Variants in BANP observed in about 807,000 individuals in gnomAD.
BANP encodes the protein BTG3 associated nuclear protein.
Under a neutral mutation model 68.1 loss-of-function variants are expected in BANP, and 11 were observed. The ratio of observed to expected loss-of-function variants is 0.16; its 90% CI spans 0.10 to 0.27. The LOEUF is 0.27. Among genes scored for constraint, BANP ranks in the 10% least tolerant of loss-of-function variants. The probability of loss-of-function intolerance (pLI) is 1.00; values close to 1 mark genes in which losing one functional copy is unlikely to be tolerated. For missense variants in BANP, 504 were observed against 722.7 expected (o/e 0.70, Z 3.47); for synonymous variants, 329 against 303.2 (o/e 1.09, Z -0.88).
At chr16:87,986,174 A>G (rs2064364029) in intron 4 of BANP, among the ~76,000 whole-genome samples, 1 of 152,182 alleles carries the variant, frequency 6.6e-6, no homozygotes, top group Admixed American at 6.5e-5. Flanking sequence ...TGCATTGAGA[A>G]CCACTGTTTT....
chr16:87,955,510 T>G (rs533347975), intron 1 of BANP, among the ~76,000 whole-genome samples: 17 of 152,338 alleles, frequency 1.1e-4, no homozygotes, highest in Non-Finnish European at 1.9e-4. Flanking sequence ...GTTCACAGCA[T>G]TATTGCGTAA....
chr16:88,036,621 G>A lies in BANP; in HGVS notation c.1272+1227G>A, dbSNP rs1015204813. ...GCACATGCGTAAGGGTTCTGAGGGC[G>A]GAATGAGGATGAGGTGAAAGGGGAG... On this transcript the variant is annotated intron_variant, in intron 10 of 13. Transcript: ENST00000682872. This position sits in a 1 kb window ranked among gnomAD's most constrained non-coding sequence, Gnocchi z 4.2. 1.3e-5 allele frequency among the ~76,000 whole-genome samples: 2 copies of A among 152,266 alleles called. No homozygotes were observed. Among genetic ancestry groups the A allele is most frequent in the Admixed American group, 6.5e-5 (1 of 15,306 alleles).
At chr16:87,971,700 G>C (rs957523620) in intron 1 of BANP, among the ~76,000 whole-genome samples, 1 of 151,806 alleles carries the variant, frequency 6.6e-6, no homozygotes, top group Non-Finnish European at 1.5e-5. Flanking sequence ...CTAGGTTGTA[G>C]TGTATTATTT....
intron 4 of BANP, among the ~76,000 whole-genome samples, chr16:87,995,952 GTTAGACGCACA>G (rs1274188636): frequency 3.3e-5 from 5 of 152,244 alleles, no homozygotes; most frequent in African/African-American, 1.2e-4. Context: ...GTGCAGACGT[GTTAGACGCACA>G]TTTAGCGGGT....
At chr16:87,990,602 C>T (rs1318664345) in intron 4 of BANP, among the ~76,000 whole-genome samples, 1 of 152,096 alleles carries the variant, frequency 6.6e-6, no homozygotes, top group African/African-American at 2.4e-5. Flanking sequence ...GGGAGAGCTG[C>T]GTGAATTGTG....
intron 12 of BANP, among the ~76,000 whole-genome samples, chr16:88,067,672 C>T (rs1233145860): frequency 6.6e-6 from 1 of 152,152 alleles, no homozygotes; most frequent in Non-Finnish European, 1.5e-5. Flanking sequence ...GCCCCCCCTG[C>T]ACCCCACGGC....
chr16:87,961,125 A>G (rs372394986), intron 1 of BANP, among the ~76,000 whole-genome samples: 2 of 152,362 alleles, frequency 1.3e-5, no homozygotes, highest in Admixed American at 6.5e-5. Context: ...AAGTCAAGCC[A>G]ATGGATCTTA....
At chr16:88,011,983 G>C (rs1025426773) in intron 6 of BANP, among the ~76,000 whole-genome samples, 21 of 152,232 alleles carry the variant, frequency 1.4e-4, no homozygotes, top group African/African-American at 4.3e-4. Context: ...GACAAATGTA[G>C]CCTTACCTTT....
intron 1 of BANP, among the ~76,000 whole-genome samples, chr16:87,956,092 C>T (rs971052238): frequency 1.3e-5 from 2 of 152,152 alleles, no homozygotes; most frequent in African/African-American, 4.8e-5. Context: ...TGCAGCTCCC[C>T]CGTCAGGATT....
rs188939180 is a variant in BANP at position 87,985,697 on chromosome 16, G to T, written c.362+1438G>T. ...CATGATGATGGTTGGCTGTGAAAAA[G>T]CCGGACGTCCCACCTGGTATGTTGC... On this transcript the variant is annotated intron_variant, in intron 4 of 13. Transcript: ENST00000682872. Among the ~76,000 whole-genome samples the T allele has an allele frequency of 2.0e-4, 30 of 152,316 alleles. No homozygotes were observed. In the East Asian group the frequency reaches 5.8e-3, roughly 29 times the overall value.
At chr16:87,973,791 T>A (rs1344706798) in intron 1 of BANP, among the ~76,000 whole-genome samples, 2 of 133,304 alleles carry the variant, frequency 1.5e-5, no homozygotes, top group East Asian at 5.1e-4. Context: ...AGAAAAAAAT[T>A]CTAGAGTTGC....
rs1453151208 is a variant in BANP, at chr16:88,026,472, C to A, written c.896-1011C>A. 4.6e-5 allele frequency among the ~76,000 whole-genome samples: 7 copies of A among 152,354 alleles called. No homozygotes were observed. The South Asian group carries it at 8.3e-4, about 18-fold the overall frequency. ...CCAGAATGTTCTGGGTGCCTGACCC[C>A]CATGGGTGGACACAACAAAGGCCCC... On this transcript the variant is annotated intron_variant, in intron 7 of 13. Transcript: ENST00000682872.
intron 4 of BANP, among the ~76,000 whole-genome samples, chr16:87,989,127 T>A (rs1351765803): frequency 1.3e-5 from 2 of 152,184 alleles, no homozygotes; most frequent in Non-Finnish European, 2.9e-5. Context: ...AGAAAGCCCC[T>A]CTTATTTGAA....
intron 11 of BANP, among the ~76,000 whole-genome samples, chr16:88,054,600 A>C (rs2084494105): frequency 6.6e-6 from 1 of 152,224 alleles, no homozygotes; most frequent in Non-Finnish European, 1.5e-5. Context: ...CACCAGCACC[A>C]GCACCAGCAC....
rs555516579 is a variant in BANP, at chr16:88,044,697, A to G, written c.1311+6686A>G. On this transcript the variant is annotated intron_variant, in intron 11 of 13. Transcript: ENST00000682872. ...AAGTAATTTTTAAAAATTTACAACT[A>G]TATAGGCTGGGCACGGTGGCTCACG... 1.8e-3 allele frequency among the ~76,000 whole-genome samples: 274 copies of G among 152,336 alleles called. 1 individual carries two copies. The highest frequency in any genetic ancestry group is 6.4e-3 in the African/African-American group (265 of 41,572).
In BANP at chr16:88,072,148, G is replaced by T. The variant is rs1192843084; in HGVS notation, c.1457G>T (p.Gly486Val). 6.8e-6 allele frequency: 11 copies of T among 1,611,484 alleles called. No individual in the cohort carries two copies. The East Asian group carries it at 2.2e-4, about 33-fold the overall frequency. ...GGCGTGGATGGGTCGCCACTCCAGG[G>T]CAGCGACATCCAGGTTCAGTACGTG... ...AAGVDGSPLQ[G>V]SDIQVQYVQL... Residue 486 changes from glycine (G) to valine (V), a missense_variant, in exon 13 of 14, where the codon GGC (glycine) becomes GTC (valine). By Grantham distance (109) the Gly-to-Val change is moderately radical. Around this residue, in one of 3 missense-constraint regions of BANP, gnomAD observed 223 missense variants for 246.2 expected, o/e 0.91. Transcript: ENST00000682872.
chr16:88,012,373 A>T (rs2073390600), intron 6 of BANP, among the ~76,000 whole-genome samples: 1 of 152,224 alleles, frequency 6.6e-6, no homozygotes, highest in Non-Finnish European at 1.5e-5. Context: ...TTTGGCGTGG[A>T]TGGCATATCT....
chr16:87,994,068 G>A (rs1245143383), intron 4 of BANP, among the ~76,000 whole-genome samples: 2 of 152,186 alleles, frequency 1.3e-5, no homozygotes, highest in African/African-American at 4.8e-5. Context: ...GCGGTGTTTG[G>A]AGGGCCCTGG....
At chr16:88,066,609 T>G (rs770174248) in intron 12 of BANP, among the ~76,000 whole-genome samples, 2 of 152,268 alleles carry the variant, frequency 1.3e-5, no homozygotes, top group African/African-American at 2.4e-5. Context: ...AAAACCACAT[T>G]GCCTGGAAAA....
Sources: allele counts gnomAD v4.1 joint callset (sites outside exome capture counted in the v4.1 genomes callset), GRCh38; gene constraint gnomAD v4.1.1; regional missense constraint gnomAD v4.1.1; non-coding constraint Gnocchi (gnomAD v3.1); transcripts MANE v1.5; gene names NCBI Gene and HGNC (gene_info 2026-07-23, HGNC 2026-07-21).